The following USP34 variants were observed in gnomAD, a reference collection of about 807,000 sequenced individuals.
USP34 encodes the protein ubiquitin carboxyl-terminal hydrolase 34.
USP34 carries 70 observed loss-of-function variants against 460.3 expected under a neutral mutation model. That is an observed-to-expected ratio of 0.15 (90% CI 0.13 to 0.19). The LOEUF is 0.19. Ranked by LOEUF, USP34 falls within the 10% of genes least tolerant of loss-of-function variation. The probability of loss-of-function intolerance (pLI) is 1.00; values close to 1 mark genes in which losing one functional copy is unlikely to be tolerated. For synonymous variants in USP34, 1,647 were observed against 1,405.3 expected (o/e 1.17, Z -3.85); for missense variants, 3,985 against 4,236.2 (o/e 0.94, Z 1.65).
At chr2:61,261,920 T>C (rs1572880823) in intron 43 of USP34, among the ~76,000 whole-genome samples, 1 of 151,374 alleles carries the variant, frequency 6.6e-6, no homozygotes, top group African/African-American at 2.4e-5. Flanking sequence ...CTGGCCAAGA[T>C]GGTTAAACCC....
intron 1 of USP34, among the ~76,000 whole-genome samples, chr2:61,459,503 G>A (rs149410178): frequency 4.6e-5 from 7 of 150,872 alleles, no homozygotes; most frequent in East Asian, 2.0e-4. Context: ...GGCCAGGCAC[G>A]GTGGCTCACA....
intron 1 of USP34, among the ~76,000 whole-genome samples, chr2:61,451,510 C>G (rs1348748222): frequency 6.6e-6 from 1 of 151,734 alleles, no homozygotes; most frequent in Non-Finnish European, 1.5e-5. Context: ...GAGAGAAACC[C>G]CGTCTCTACT....
intron 18 of USP34, among the ~76,000 whole-genome samples, chr2:61,338,728 G>C (rs1443252092): frequency 6.6e-6 from 1 of 152,022 alleles, no homozygotes; most frequent in African/African-American, 2.4e-5. Context: ...GTCATCAACT[G>C]AGTCCCAATG....
At chr2:61,423,157 A>C (rs969747202) in intron 1 of USP34, among the ~76,000 whole-genome samples, 2 of 152,236 alleles carry the variant, frequency 1.3e-5, no homozygotes, top group Non-Finnish European at 2.9e-5. Flanking sequence ...TCTTTTGCCC[A>C]GGCTGGAGTG....
intron 10 of USP34, among the ~76,000 whole-genome samples, chr2:61,367,573 C>T (rs564826218): frequency 6.6e-6 from 1 of 152,160 alleles, no homozygotes; most frequent in Non-Finnish European, 1.5e-5. Flanking sequence ...AGGCTCAAGG[C>T]ACACAATCAT....
At chr2:61,216,923 G>C (rs374190860) in intron 67 of USP34, among the ~76,000 whole-genome samples, 4 of 99,872 alleles carry the variant, frequency 4.0e-5, no homozygotes, top group Admixed American at 3.0e-4. Context: ...ATCTCAAAAA[G>C]AAAAAAAAAA....
At chr2:61,276,229 T>C (rs1337374070) in intron 41 of USP34, among the ~76,000 whole-genome samples, 3 of 152,240 alleles carry the variant, frequency 2.0e-5, no homozygotes, top group Non-Finnish European at 4.4e-5. Flanking sequence ...TATCCTTTTG[T>C]ATACTAACAT....
chr2:61,430,294 C>G (rs977031588), intron 1 of USP34, among the ~76,000 whole-genome samples: 1 of 151,698 alleles, frequency 6.6e-6, no homozygotes, highest in African/African-American at 2.4e-5. Flanking sequence ...ATCCCAGCTA[C>G]TCAGTAGGCT....
intron 10 of USP34, among the ~76,000 whole-genome samples, chr2:61,359,480 A>G (rs1221608811): frequency 6.6e-6 from 1 of 152,214 alleles, no homozygotes; most frequent in Non-Finnish European, 1.5e-5. Context: ...CTTTTTTTAA[A>G]AACCCTTAGA....
At chr2:61,398,738 A>G (rs188723642) in intron 3 of USP34, among the ~76,000 whole-genome samples, 1 of 152,366 alleles carries the variant, frequency 6.6e-6, no homozygotes, top group African/African-American at 2.4e-5. Flanking sequence ...TAGATATTTA[A>G]GTTACACTGC....
intron 43 of USP34, among the ~76,000 whole-genome samples, chr2:61,263,823 C>T (rs1378797013): frequency 6.6e-6 from 1 of 152,140 alleles, no homozygotes; most frequent in East Asian, 1.9e-4. Context: ...AGGGTTTCAC[C>T]ATACTGGCCA....
chr2:61,438,287 T>C (rs1171675013), intron 1 of USP34, among the ~76,000 whole-genome samples: 2 of 152,080 alleles, frequency 1.3e-5, no homozygotes, highest in East Asian at 1.9e-4. Flanking sequence ...AAAAAGCATT[T>C]GATAAAATTC....
intron 8 of USP34, among the ~76,000 whole-genome samples, chr2:61,377,198 C>G (rs1395223467): frequency 1.3e-5 from 2 of 152,148 alleles, no homozygotes; most frequent in Admixed American, 1.3e-4. Context: ...AGTCAAGAGA[C>G]AGTCTCTGGT....
intron 16 of USP34, among the ~76,000 whole-genome samples, chr2:61,343,101 T>C (rs763938081): frequency 6.6e-6 from 1 of 152,196 alleles, no homozygotes; most frequent in South Asian, 2.1e-4. Flanking sequence ...ACGTAATCCA[T>C]CCGGTTTACT....
rs140440926 is a variant in USP34 at position 61,240,358 on chromosome 2, C to T, written c.6777+1202G>A. Among the ~76,000 whole-genome samples the T allele has an allele frequency of 1.2e-4, 19 of 152,076 alleles. No homozygotes were observed. In the East Asian group the frequency reaches 3.3e-3, roughly 26 times the overall value. On this transcript the variant is annotated intron_variant, in intron 53 of 79. Transcript: ENST00000398571. ...AGGATGGAGTGCAGTGGTGCGATCT[C>T]GGCTCCGCCTCCCAGGTTCACGCCA...
chr2:61,335,271 T>C (rs549612514), intron 18 of USP34, among the ~76,000 whole-genome samples: 34 of 152,358 alleles, frequency 2.2e-4, no homozygotes, highest in Admixed American at 5.9e-4. Context: ...TAATGACTTA[T>C]CAACTTTTTT....
intron 23 of USP34, among the ~76,000 whole-genome samples, chr2:61,316,522 T>C (rs1572928517): frequency 6.6e-6 from 1 of 151,596 alleles, no homozygotes; most frequent in Non-Finnish European, 1.5e-5. Context: ...GAGGTGGAGG[T>C]TGCAGTGAGC....
chr2:61,220,209 A>G, intron 67 of USP34, 101 bp downstream of exon 67: 3 of 619,808 alleles, frequency 4.8e-6, no homozygotes, highest in Non-Finnish European at 7.2e-6. Context: ...AGAATTTCGT[A>G]GTATACAACA....
intron 75 of USP34, 178 bp from the exon 76 acceptor site, chr2:61,193,158 G>A (rs1686689433): frequency 1.8e-6 from 1 of 546,892 alleles, no homozygotes; most frequent in Non-Finnish European, 3.3e-6. Flanking sequence ...TTAGAATGTG[G>A]TACTTTGAAT....
Sources: gnomAD v4.1 joint callset for allele counts (sites outside exome capture counted in the v4.1 genomes callset) on GRCh38, gnomAD v4.1.1 for gene constraint, MANE v1.5 for transcripts, NCBI Gene and HGNC (gene_info 2026-07-23, HGNC 2026-07-21) for gene names.